FUT8: variants seen among roughly 807,000 people sequenced by gnomAD.
FUT8 encodes the protein fucosyltransferase 8.
A neutral mutation model predicts 71.3 loss-of-function variants in FUT8; 29 were observed. That is an observed-to-expected ratio of 0.41 (90% CI 0.30 to 0.55). FUT8 has a LOEUF of 0.55. Ranked by LOEUF, FUT8 falls within the 20% of genes least tolerant of loss-of-function variation. The pLI, the probability that FUT8 is intolerant of heterozygous loss-of-function variation, is 0.34. For missense variants in FUT8, 544 were observed against 702.1 expected (o/e 0.77, Z 2.55); for synonymous variants, 254 against 239.3 (o/e 1.06, Z -0.57).
intron 2 of FUT8, among the ~76,000 whole-genome samples, chr14:65,475,091 C>G (rs1447308172): frequency 6.6e-6 from 1 of 152,114 alleles, no homozygotes; most frequent in Non-Finnish European, 1.5e-5. Flanking sequence ...TTCTTTGTAT[C>G]TTGTTCCCAG....
chr14:65,655,456 A>G (rs1891631139), intron 6 of FUT8, among the ~76,000 whole-genome samples: 1 of 150,096 alleles, frequency 6.7e-6, no homozygotes, highest in African/African-American at 2.5e-5. Context: ...AGCCTGGGCG[A>G]CAGAGCAAGA....
At chr14:65,721,147 T>C (rs982324447) in intron 7 of FUT8, among the ~76,000 whole-genome samples, 1 of 152,092 alleles carries the variant, frequency 6.6e-6, no homozygotes, top group Non-Finnish European at 1.5e-5. Context: ...GGTGCTTTTT[T>C]GTGTAGATAG....
At chr14:65,380,484 G>T in the FUT8 span, among the ~76,000 whole-genome samples, 5 of 152,316 alleles carry the variant, frequency 3.3e-5, no homozygotes, top group South Asian at 1.0e-3. Context: ...TATTTTAGAG[G>T]CATGGTTCAG....
the FUT8 span, among the ~76,000 whole-genome samples, chr14:65,397,128 G>C: frequency 6.6e-6 from 1 of 152,192 alleles, no homozygotes; most frequent in South Asian, 2.1e-4. The surrounding 1 kb of genome is among the most constrained non-coding windows in gnomAD (Gnocchi z 4.2). Flanking sequence ...AATATGTAGC[G>C]TCTAAGATCA....
intron 10 of FUT8, 148 bp downstream of exon 10, chr14:65,733,529 G>A: frequency 5.8e-6 from 3 of 519,726 alleles, no homozygotes; most frequent in Non-Finnish European, 6.7e-6. Flanking sequence ...TCCCTTTTGT[G>A]AAAGAATGGA....
In FUT8 at chr14:65,547,173, T is replaced by G. The variant is rs139346189; in HGVS notation, c.-227-14164T>G. 4.6e-4 allele frequency among the ~76,000 whole-genome samples: 70 copies of G among 151,810 alleles called. No individual in the cohort carries two copies. In the East Asian group the frequency reaches 0.013, roughly 29 times the overall value. On this transcript the variant is annotated intron_variant, in intron 2 of 10. Transcript: ENST00000673929. ...AGTCCAACTGGAAGATTTTTAATTT[T>G]ATTGATCACTTCAGGGAACCCATTT...
intron 2 of FUT8, among the ~76,000 whole-genome samples, chr14:65,525,002 C>G (rs891484057): frequency 1.3e-5 from 2 of 152,128 alleles, no homozygotes; most frequent in African/African-American, 2.4e-5. Flanking sequence ...AGTTTTGCAT[C>G]TATGTTCATC....
chr14:65,548,862 G>T (rs1201757745), intron 2 of FUT8, among the ~76,000 whole-genome samples: 1 of 152,024 alleles, frequency 6.6e-6, no homozygotes, highest in East Asian at 1.9e-4. Flanking sequence ...AATATATAAA[G>T]AACTCAAGTC....
chr14:65,729,633 G>A (rs937381828), intron 9 of FUT8, among the ~76,000 whole-genome samples: 7 of 151,574 alleles, frequency 4.6e-5, no homozygotes, highest in South Asian at 4.2e-4. Flanking sequence ...TCCCACCTCA[G>A]CCATCTGAGT....
At chr14:65,536,895 A>T (rs1454723868) in intron 2 of FUT8, among the ~76,000 whole-genome samples, 1 of 151,366 alleles carries the variant, frequency 6.6e-6, no homozygotes, top group Non-Finnish European at 1.5e-5. Flanking sequence ...GATGAGTTGT[A>T]GATTTGGTCT....
At chr14:65,617,878 A>G (rs1009039437) in intron 5 of FUT8, among the ~76,000 whole-genome samples, 2 of 151,914 alleles carry the variant, frequency 1.3e-5, no homozygotes, top group Non-Finnish European at 1.5e-5. Context: ...TGGGAGGCAG[A>G]GGTTGTGGTG....
At chr14:65,405,775 T>A (rs2065087056), upstream of FUT8, among the ~76,000 whole-genome samples, 1 of 152,258 alleles carries the variant, frequency 6.6e-6, no homozygotes, top group Admixed American at 6.5e-5. Flanking sequence ...GACTTTATTC[T>A]CTAATGCAGA....
intron 7 of FUT8, among the ~76,000 whole-genome samples, chr14:65,673,489 T>A (rs1396569027): frequency 6.6e-6 from 1 of 152,164 alleles, no homozygotes; most frequent in Non-Finnish European, 1.5e-5. Context: ...ATCTAATGCA[T>A]ATTTGGGGTT....
chr14:65,555,101 T>G (rs1189362463), intron 2 of FUT8, among the ~76,000 whole-genome samples: 1 of 152,152 alleles, frequency 6.6e-6, no homozygotes, highest in Non-Finnish European at 1.5e-5. Context: ...AGAATGGATT[T>G]TTCATTTTTA....
intron 6 of FUT8, among the ~76,000 whole-genome samples, chr14:65,650,466 T>C (rs1891336636): frequency 6.6e-6 from 1 of 151,804 alleles, no homozygotes; most frequent in Non-Finnish European, 1.5e-5. Flanking sequence ...ATGTCTTACA[T>C]GGTGGAGCAG....
In FUT8 at chr14:65,467,745, A is replaced by T. The variant is rs1285630031; in HGVS notation, c.-228+12027A>T. ...CGCCTCAGCCTCCCAAAGTGCTGGG[A>T]TTACAGGTGTGAGCCACCGTGCCCA... On this transcript the variant is annotated intron_variant, in intron 2 of 10. Transcript: ENST00000673929. The surrounding 1 kb of genome is among the most constrained non-coding windows in gnomAD (Gnocchi z 4.1). The T allele has an allele frequency of 3.7e-6, 2 of 535,268 alleles. No homozygotes were observed. The highest frequency in any genetic ancestry group is 1.9e-5 in the African/African-American group (1 of 51,300). 33.2% of individuals were successfully genotyped at this position (535,268 alleles called of 1,614,324 possible).
intron 2 of FUT8, among the ~76,000 whole-genome samples, chr14:65,515,936 T>G (rs1383554895): frequency 6.6e-6 from 1 of 152,180 alleles, no homozygotes; most frequent in African/African-American, 2.4e-5. Flanking sequence ...AAATATAAAT[T>G]TTAATTTATT....
At chr14:65,531,207 A>G (rs1011900899) in intron 2 of FUT8, among the ~76,000 whole-genome samples, 1 of 151,946 alleles carries the variant, frequency 6.6e-6, no homozygotes, top group Non-Finnish European at 1.5e-5. Flanking sequence ...GATATGAGGT[A>G]CTCACGAAAG....
At chr14:65,626,998 G>A (rs1594832974) in intron 5 of FUT8, among the ~76,000 whole-genome samples, 1 of 152,036 alleles carries the variant, frequency 6.6e-6, no homozygotes, top group East Asian at 1.9e-4. Context: ...AATTATCACC[G>A]TTATCTCATT....
Sources: gnomAD v4.1 joint callset for allele counts (sites outside exome capture counted in the v4.1 genomes callset) on GRCh38, gnomAD v4.1.1 for gene constraint, Gnocchi (gnomAD v3.1) non-coding constraint, MANE v1.5 for transcripts, NCBI Gene and HGNC (gene_info 2026-07-23, HGNC 2026-07-21) for gene names.